Variants in ZFHX3 observed in about 807,000 individuals in gnomAD.
ZFHX3 encodes the protein zinc finger homeobox 3.
A neutral mutation model predicts 279.1 loss-of-function variants in ZFHX3; 42 were observed. That is an observed-to-expected ratio of 0.15 (90% CI 0.12 to 0.19). The LOEUF is 0.19. Among genes scored for constraint, ZFHX3 ranks in the 10% least tolerant of loss-of-function variants. ZFHX3 has a pLI of 1.00. For missense variants in ZFHX3, 4,981 were observed against 4,754.0 expected (o/e 1.05, Z -1.40); for synonymous variants, 2,293 against 1,957.8 (o/e 1.17, Z -4.52).
intron 2 of ZFHX3, among the ~76,000 whole-genome samples, chr16:73,471,362 G>C (rs905730741): frequency 1.3e-5 from 2 of 152,022 alleles, no homozygotes; most frequent in Non-Finnish European, 2.9e-5. Context: ...CCCTACATTG[G>C]TTACATGTGG....
intron 1 of ZFHX3, among the ~76,000 whole-genome samples, chr16:73,877,517 G>T (rs1215374087): frequency 1.3e-5 from 2 of 152,086 alleles, no homozygotes; most frequent in East Asian, 1.9e-4. Flanking sequence ...TAAGCCAGTT[G>T]ATACAGATGA....
At chr16:73,035,909 CAAAATA>C (rs1157781697) in intron 1 of ZFHX3, among the ~76,000 whole-genome samples, 2 of 152,098 alleles carry the variant, frequency 1.3e-5, no homozygotes, top group East Asian at 1.9e-4. Flanking sequence ...GTCTCAAAAA[CAAAATA>C]AAAATAAGTC....
intron 1 of ZFHX3, among the ~76,000 whole-genome samples, chr16:73,689,216 G>A (rs912809106): frequency 2.6e-5 from 4 of 152,108 alleles, no homozygotes; most frequent in Admixed American, 1.3e-4. Context: ...ATCTAGTTAC[G>A]TGAAACCTCT....
intron 1 of ZFHX3, among the ~76,000 whole-genome samples, chr16:73,761,728 T>G (rs900984155): frequency 5.3e-5 from 8 of 152,024 alleles, no homozygotes; most frequent in African/African-American, 1.9e-4. Context: ...AAACAAGAAA[T>G]GGGAAAAGGA....
At chr16:73,438,023 G>T (rs182787272) in intron 3 of ZFHX3, among the ~76,000 whole-genome samples, 1 of 152,070 alleles carries the variant, frequency 6.6e-6, no homozygotes, top group East Asian at 1.9e-4. Flanking sequence ...TTCTTGAGTT[G>T]GGTGTTCTAA....
chr16:72,803,704 T>C (rs1315580598), intron 7 of ZFHX3, among the ~76,000 whole-genome samples: 11 of 152,208 alleles, frequency 7.2e-5, no homozygotes. Context: ...TCCACATTGA[T>C]TATTCCGATA....
At chr16:73,251,884 C>CATACACACCA (rs145735362) in intron 5 of ZFHX3, among the ~76,000 whole-genome samples, 2 of 94,262 alleles carry the variant, frequency 2.1e-5, no homozygotes, top group African/African-American at 6.0e-5. Flanking sequence ...TGCACACACA[C>CATACACACCA]CACACACACA....
chr16:73,862,247 A>G (rs1470259370), intron 1 of ZFHX3, among the ~76,000 whole-genome samples: 1 of 152,212 alleles, frequency 6.6e-6, no homozygotes, highest in African/African-American at 2.4e-5. Context: ...TGGAAGCCCA[A>G]CTTGGGCTTC....
At chr16:73,553,364 C>T (rs1027270055) in intron 2 of ZFHX3, among the ~76,000 whole-genome samples, 3 of 152,122 alleles carry the variant, frequency 2.0e-5, no homozygotes, top group African/African-American at 7.2e-5. Flanking sequence ...TCTCTGAAAG[C>T]ATCACATGAG....
chr16:73,764,458 C>A (rs1239324504), intron 1 of ZFHX3, among the ~76,000 whole-genome samples: 2 of 152,148 alleles, frequency 1.3e-5, no homozygotes, highest in Non-Finnish European at 2.9e-5. Flanking sequence ...AGGGGGAAGG[C>A]AGAGCTTTAT....
intron 4 of ZFHX3, among the ~76,000 whole-genome samples, chr16:72,855,400 T>G (rs1304966569): frequency 1.3e-5 from 2 of 152,346 alleles, no homozygotes; most frequent in East Asian, 3.9e-4. Flanking sequence ...TAAGGAGATA[T>G]GGAGCTGAGA....
chr16:73,365,077 G>A (rs1055113866), intron 3 of ZFHX3, among the ~76,000 whole-genome samples: 3 of 152,206 alleles, frequency 2.0e-5, no homozygotes, highest in Admixed American at 2.0e-4. Context: ...CTGAGACGAT[G>A]TTTGTGAAGT....
intron 1 of ZFHX3, among the ~76,000 whole-genome samples, chr16:73,708,106 G>A (rs1291463571): frequency 6.6e-6 from 1 of 151,340 alleles, no homozygotes; most frequent in Non-Finnish European, 1.5e-5. Context: ...TACAATTATT[G>A]GAAGAATTCC....
intron 1 of ZFHX3, among the ~76,000 whole-genome samples, chr16:72,997,901 G>C (rs1963353155): frequency 6.6e-6 from 1 of 150,986 alleles, no homozygotes. Flanking sequence ...GGCAACACAG[G>C]GAAAGCCTAT....
At chr16:73,784,816 TACAC>T (rs58711157) in intron 1 of ZFHX3, among the ~76,000 whole-genome samples, 10 of 135,510 alleles carry the variant, frequency 7.4e-5, no homozygotes, top group Admixed American at 6.6e-4. Flanking sequence ...TATATATATA[TACAC>T]ACACACACAC....
intron 2 of ZFHX3, among the ~76,000 whole-genome samples, chr16:73,479,736 C>T (rs1160190928): frequency 6.6e-6 from 1 of 152,124 alleles, no homozygotes; most frequent in Non-Finnish European, 1.5e-5. Context: ...TGAAACTCAC[C>T]AAATAGGGGA....
chr16:72,918,222 A>T (rs1597376341), intron 3 of ZFHX3, among the ~76,000 whole-genome samples: 2 of 152,344 alleles, frequency 1.3e-5, no homozygotes, highest in East Asian at 3.9e-4. Flanking sequence ...ATAAGTCAAA[A>T]GCAGGGGGCA....
chr16:73,514,854 T>C (rs1385109367), intron 2 of ZFHX3, among the ~76,000 whole-genome samples: 4 of 152,286 alleles, frequency 2.6e-5, no homozygotes, highest in Non-Finnish European at 2.9e-5. Context: ...GAACTTTCAA[T>C]GTGCCTGACC....
chr16:73,329,266 A>C (rs2015752372), intron 3 of ZFHX3, among the ~76,000 whole-genome samples: 3 of 152,196 alleles, frequency 2.0e-5, no homozygotes, highest in Non-Finnish European at 2.9e-5. Context: ...GGTGCTCCAC[A>C]TGGTGGGGAG....
Sources: allele counts gnomAD v4.1 joint callset (sites outside exome capture counted in the v4.1 genomes callset), GRCh38; gene constraint gnomAD v4.1.1; transcripts MANE v1.5; gene names NCBI Gene and HGNC (gene_info 2026-07-23, HGNC 2026-07-21).